REC8: variants seen among roughly 807,000 people sequenced by gnomAD.
REC8 encodes the protein meiotic recombination protein REC8 homolog.
In REC8, 42 loss-of-function variants were observed where a neutral mutation model predicts 78.3. The ratio of observed to expected loss-of-function variants is 0.54; its 90% CI spans 0.42 to 0.69. The LOEUF is 0.69. REC8 is among the 30% of genes least tolerant of loss of function. REC8 has a pLI of 0.00. For synonymous variants in REC8, 268 were observed against 274.1 expected, an observed-to-expected ratio of 0.98 and a Z score of 0.22; for missense variants, 581 against 715.8, an observed-to-expected ratio of 0.81 and a Z score of 2.15.
chr14:24,179,232 T>C (rs2039052158), intron 15 of REC8, 99 bp downstream of exon 15: 5 of 1,200,234 alleles, frequency 4.2e-6, no homozygotes, highest in Non-Finnish European at 6.1e-6. Context: ...AGTGAAGGCG[T>C]GTGTGTGTGA....
chr14:24,177,328 C>G (rs1162497691), intron 8 of REC8, 25 bp from the exon 9 acceptor site: 1 of 1,614,048 alleles, frequency 6.2e-7, no homozygotes, highest in African/African-American at 1.3e-5. Context: ...TTTCTGTCCT[C>G]TGAACTCTGA....
chr14:24,176,929 G>A (rs371801879), intron 7 of REC8, 28 bp downstream of exon 7: 2 of 1,575,768 alleles, frequency 1.3e-6, no homozygotes, highest in Non-Finnish European at 8.7e-7. Flanking sequence ...CAGGGCCTGA[G>A]GTCCAGCCCC....
At position 24,178,848 on chromosome 14, in the gene REC8, C is replaced by A; in HGVS notation, c.1135C>A (p.Arg379=). The part of the protein sequence containing the change: ...CAQPPPKALR[R]ELPEEAAAEE... Reference sequence around the variant, plus strand: ...CCAGCCACCCCCAAAAGCCCTCAGGCGAGAGCTGCCTGAGGAGGCAGCCGC... The same window carrying A: ...CCAGCCACCCCCAAAAGCCCTCAGGAGAGAGCTGCCTGAGGAGGCAGCCGC... Residue 379 remains arginine, a synonymous_variant, in exon 14 of 19, where the codon CGA becomes AGA. Transcript: ENST00000611366. 1 of 1,613,708 alleles carries A rather than the reference C, an allele frequency of 6.2e-7. No homozygotes were observed. Among genetic ancestry groups the A allele is most frequent in the South Asian group, 1.1e-5 (1 of 91,084 alleles).
At chr14:24,180,300 GC>G, downstream of REC8, 1 of 1,509,164 alleles carries the variant, frequency 6.6e-7, no homozygotes, top group African/African-American at 1.4e-5. Context: ...CTCAGGGACA[GC>G]CCTGTAAGGC....
At chr14:24,179,049 T>C in intron 14 of REC8, 36 bp from the exon 15 acceptor site, 5 of 1,607,094 alleles carry the variant, frequency 3.1e-6, no homozygotes, top group East Asian at 2.2e-5. Context: ...AAGTCCCAGA[T>C]GCTTGGGGTC....
chr14:24,179,999 C>T lies in REC8; in HGVS notation c.1559-11C>T. On this transcript the variant is annotated splice_polypyrimidine_tract_variant and intron_variant, in intron 18 of 18. Coordinates refer to ENST00000611366, the MANE Select transcript of REC8 (RefSeq NM_001048205.2). The stretch of plus-strand genomic sequence containing the variant: ...CTCCCCCGACCTGCCCTCTCCTCGC[C>T]TCTTGACCAGTGCTCTCAGCGCAAC... 1.9e-6 allele frequency: 3 copies of T among 1,614,200 alleles called. No individual in the cohort carries two copies. The highest frequency in any genetic ancestry group is 2.5e-6 in the Non-Finnish European group (3 of 1,180,036).
chr14:24,173,494 G>T, intron 5 of REC8, 83 bp downstream of exon 5: 1 of 1,577,426 alleles, frequency 6.3e-7, no homozygotes, highest in Non-Finnish European at 8.6e-7. Context: ...TTGGGGTTGG[G>T]GAAGGAAGCT....
downstream of REC8, chr14:24,180,342 A>G: frequency 3.3e-6 from 5 of 1,511,552 alleles, no homozygotes; most frequent in Non-Finnish European, 4.5e-6. Flanking sequence ...AATGGGTATG[A>G]GTCTCAGAAT....
rs868534725 is a variant in REC8 at position 24,179,263 on chromosome 14, T to C, written c.1252+130T>C. ...TGTGACATAAGGAAGCACGGACTGGTCCTCCTCAGCTCTCCCACCTATGTG... is the reference window on the plus strand; with the variant it reads ...TGTGACATAAGGAAGCACGGACTGGCCCTCCTCAGCTCTCCCACCTATGTG... On this transcript the variant is annotated intron_variant, in intron 15 of 18. Coordinates refer to ENST00000611366, the MANE Select transcript of REC8 (RefSeq NM_001048205.2). 6.4e-5 allele frequency: 77 copies of C among 1,197,120 alleles called. 1 individual carries two copies. The highest frequency in any genetic ancestry group is 5.9e-4 in the South Asian group (48 of 80,716). The allele number at this position is 1,197,120 out of a possible 1,614,324, so 74.2% of individuals were successfully genotyped here. A position where few individuals can be genotyped will look rare whatever the true frequency, so the allele number is the denominator to read the frequency against.
intron 5 of REC8, 121 bp downstream of exon 5, chr14:24,173,532 G>A (rs2038759870): frequency 3.9e-6 from 6 of 1,529,322 alleles, no homozygotes; most frequent in Non-Finnish European, 4.4e-6. Flanking sequence ...ACAGGAGATG[G>A]TGCAGGGGGA....
chr14:24,179,043 C>T, intron 14 of REC8, 42 bp from the exon 15 acceptor site: 4 of 1,604,882 alleles, frequency 2.5e-6, no homozygotes, highest in Middle Eastern at 1.7e-4. Context: ...AGGCCCAAGT[C>T]CCAGATGCTT....
At chr14:24,178,056 C>A in intron 11 of REC8, 35 bp from the exon 12 acceptor site, 1 of 1,593,184 alleles carries the variant, frequency 6.3e-7, no homozygotes, top group Non-Finnish European at 8.6e-7. Flanking sequence ...GAGTAATGGG[C>A]AGCCTTGCCC....
At chr14:24,178,254 G>A (rs2038990609) in intron 12 of REC8, 32 bp downstream of exon 12, 1 of 1,593,442 alleles carries the variant, frequency 6.3e-7, no homozygotes, top group African/African-American at 1.3e-5. Context: ...CCGGGGAAGG[G>A]AGGGAGGCAG....
In REC8 at chr14:24,176,868, G is replaced by C. The variant is rs755716356; in HGVS notation, c.591G>C (p.Leu197=). Residue 197 remains leucine (L), a synonymous_variant, in exon 7 of 19, where the codon CTG becomes CTC. Coordinates refer to ENST00000611366, the MANE Select transcript of REC8 (RefSeq NM_001048205.2). ...TVLPPEAITI[L]EAEPIRMLEI... ...TGCCACCTGAGGCCATCACGATCCTGGAGGCAGAGCCCATACGGATGCTGG... is the reference window on the plus strand; with the variant it reads ...TGCCACCTGAGGCCATCACGATCCTCGAGGCAGAGCCCATACGGATGCTGG... 18 of 1,613,712 alleles carry C rather than the reference G, an allele frequency of 1.1e-5. No individual in the cohort carries two copies. Among genetic ancestry groups the C allele is most frequent in the South Asian group, 2.2e-5 (2 of 91,008 alleles).
intron 15 of REC8, 94 bp from the exon 16 acceptor site, chr14:24,179,303 C>T: frequency 7.2e-7 from 1 of 1,394,602 alleles, no homozygotes; most frequent in Non-Finnish European, 1.0e-6. Context: ...TAACAAGTCA[C>T]CGCACGGCTC....
At chr14:24,178,517 G>A (rs1483463524) in intron 12 of REC8, 89 bp from the exon 13 acceptor site, 1 of 1,346,412 alleles carries the variant, frequency 7.4e-7, no homozygotes, top group Admixed American at 2.1e-5. Context: ...AAGTCCAGAA[G>A]CCCCAGAACA....
At chr14:24,177,107 G>A in intron 7 of REC8, 34 bp from the exon 8 acceptor site, 2 of 1,599,902 alleles carry the variant, frequency 1.3e-6, no homozygotes, top group Non-Finnish European at 8.6e-7. Context: ...AAATATTATT[G>A]AATCCCCTCC....
intron 11 of REC8, 114 bp from the exon 12 acceptor site, chr14:24,177,977 G>C: frequency 6.6e-7 from 1 of 1,521,744 alleles, no homozygotes; most frequent in East Asian, 2.3e-5. Flanking sequence ...CCCCGCACAA[G>C]CCCTCTCCAG....
rs2038705857 is a variant in REC8 at position 24,172,372 on chromosome 14, G to A, written c.-181G>A. 3.3e-6 allele frequency: 2 copies of A among 606,968 alleles called. No individual in the cohort carries two copies. The highest frequency in any genetic ancestry group is 5.8e-6 in the Non-Finnish European group (2 of 345,348). The allele number at this position is 606,968 out of a possible 1,614,324, so 37.6% of individuals were successfully genotyped here. On this transcript the variant is annotated 5_prime_UTR_variant, in exon 1 of 19. In the 5' UTR this introduces an upstream ATG that the reference lacks. Transcript: ENST00000611366. The stretch of plus-strand genomic sequence containing the variant: ...CTGCGTCTCAGTTATCCTGGTAATT[G>A]TGTATCTGCCCATTGTTCGTTGCCT...
Sources: allele counts gnomAD v4.1 joint callset, GRCh38; gene constraint gnomAD v4.1.1; transcripts MANE v1.5; gene names NCBI Gene and HGNC (gene_info 2026-07-23, HGNC 2026-07-21).